Variants in SHLD2 observed in about 807,000 individuals in gnomAD.
SHLD2 encodes shieldin complex subunit 2.
Under a neutral mutation model 73.2 loss-of-function variants are expected in SHLD2, and 30 were observed. The ratio of observed to expected loss-of-function variants is 0.41; its 90% CI spans 0.31 to 0.56. The LOEUF is 0.56. Ranked by LOEUF, SHLD2 falls within the 20% of genes least tolerant of loss-of-function variation. The probability of loss-of-function intolerance (pLI) is 0.28; values close to 1 mark genes in which losing one functional copy is unlikely to be tolerated. For missense variants in SHLD2, 745 were observed against 1,055.9 expected (o/e 0.71, Z 4.08); for synonymous variants, 285 against 370.1 (o/e 0.77, Z 2.64).
intron 2 of SHLD2, among the ~76,000 whole-genome samples, chr10:87,136,293 G>T (rs1348452408): frequency 6.6e-6 from 1 of 151,700 alleles, no homozygotes; most frequent in African/African-American, 2.4e-5. Context: ...TCACTTTCTG[G>T]CACTACAAGA....
At chr10:87,162,989 G>A (rs1247680119) in intron 4 of SHLD2, among the ~76,000 whole-genome samples, 12 of 152,038 alleles carry the variant, frequency 7.9e-5, no homozygotes, top group Non-Finnish European at 1.6e-4. Context: ...CTACCCTGAA[G>A]CTACACCTCC....
intron 8 of SHLD2, among the ~76,000 whole-genome samples, chr10:87,184,303 C>G (rs1437071497): frequency 1.3e-5 from 2 of 151,938 alleles, no homozygotes; most frequent in Non-Finnish European, 1.5e-5. Context: ...CATCTTAGTC[C>G]AGTGTATCTC....
chr10:87,097,579 G>A (rs189789932), intron 2 of SHLD2, among the ~76,000 whole-genome samples: 38 of 152,186 alleles, frequency 2.5e-4, no homozygotes, highest in African/African-American at 9.2e-4. Flanking sequence ...GCAACAGAGC[G>A]AGTCTTCATC....
chr10:87,180,042 A>C lies in SHLD2; in HGVS notation c.2171-33A>C, dbSNP rs756499238. The C allele has an allele frequency of 1.1e-4, 171 of 1,576,286 alleles. No homozygotes were observed. The South Asian group carries it at 1.9e-3, about 17-fold the overall frequency. On this transcript the variant is annotated intron_variant, in intron 7 of 9. Transcript: ENST00000298786. Reference sequence around the variant, plus strand: ...AAATTAAAGTTATAATTTTGGCCCAATAATTTATAATATATCTGTTTGTTG... The same window carrying C: ...AAATTAAAGTTATAATTTTGGCCCACTAATTTATAATATATCTGTTTGTTG...
At chr10:87,129,635 T>C (rs1844284382) in intron 2 of SHLD2, among the ~76,000 whole-genome samples, 1 of 152,026 alleles carries the variant, frequency 6.6e-6, no homozygotes, top group South Asian at 2.1e-4. Flanking sequence ...AAAGTATCGA[T>C]TTTTTTTCAT....
intron 8 of SHLD2, among the ~76,000 whole-genome samples, chr10:87,186,830 A>G (rs1331604050): frequency 6.6e-6 from 1 of 151,756 alleles, no homozygotes. Context: ...AGTTTAATAT[A>G]TTTTTATATT....
intron 7 of SHLD2, among the ~76,000 whole-genome samples, chr10:87,178,235 CAAAAAAAAAAAA>C (rs71019476): frequency 1.6e-4 from 5 of 31,022 alleles, no homozygotes; most frequent in South Asian, 1.8e-3. Context: ...TACTCTGTCT[CAAAAAAAAAAAA>C]AAAAAAAAAA....
chr10:87,182,319 T>G (rs1201883256), intron 8 of SHLD2, among the ~76,000 whole-genome samples: 1 of 152,244 alleles, frequency 6.6e-6, no homozygotes, highest in African/African-American at 2.4e-5. Flanking sequence ...TTGACCTAAG[T>G]AGACTTATTG....
In SHLD2 at chr10:87,180,393, T is replaced by C. The variant is rs1848229817; in HGVS notation, c.2399+90T>C. 4 of 1,501,398 alleles carry C rather than the reference T, an allele frequency of 2.7e-6. No individual in the cohort carries two copies. In the South Asian group the frequency reaches 5.0e-5, roughly 19 times the overall value. 93.0% of individuals were successfully genotyped at this position (1,501,398 alleles called of 1,614,324 possible). A position where few individuals can be genotyped will look rare whatever the true frequency, so the allele number is the denominator to read the frequency against. On this transcript the variant is annotated intron_variant, in intron 8 of 9. Coordinates refer to ENST00000298786, the MANE Select transcript of SHLD2 (RefSeq NM_001330112.2). ...GTAAACCCTTACTTTCTAAAAATAA[T>C]TAACTAGAGCTAGTCGAAGAGAATA...
chr10:87,176,926 TC>T (rs1472603998), intron 7 of SHLD2, among the ~76,000 whole-genome samples: 12 of 152,282 alleles, frequency 7.9e-5, no homozygotes, highest in African/African-American at 2.9e-4. Context: ...TAATAATATT[TC>T]TGGAAGGTAA....
At chr10:87,188,290 G>A (rs1485741982) in intron 9 of SHLD2, among the ~76,000 whole-genome samples, 1 of 152,138 alleles carries the variant, frequency 6.6e-6, no homozygotes, top group Admixed American at 6.5e-5. Flanking sequence ...AGCAGTAGGG[G>A]ACCACTAATG....
intron 2 of SHLD2, among the ~76,000 whole-genome samples, chr10:87,103,240 A>C (rs1482813108): frequency 6.6e-6 from 1 of 152,102 alleles, no homozygotes; most frequent in African/African-American, 2.4e-5. Flanking sequence ...AAATAAATAA[A>C]TAAAAATCTT....
intron 8 of SHLD2, among the ~76,000 whole-genome samples, chr10:87,185,262 A>G (rs1423815688): frequency 6.6e-6 from 1 of 152,176 alleles, no homozygotes; most frequent in Non-Finnish European, 1.5e-5. Context: ...TTTTTATTGC[A>G]AAATAATATT....
rs1391599629 is a variant in SHLD2, at chr10:87,151,703, A to G, written c.349A>G (p.Ser117Gly). The G allele has an allele frequency of 6.2e-7, 1 of 1,611,998 alleles. No individual in the cohort carries two copies. Among genetic ancestry groups the G allele is most frequent in the Non-Finnish European group, 8.5e-7 (1 of 1,179,822 alleles). ...IHSSRLSDIT[S>G]SNMQICGFKS... is the part of the protein sequence containing the mutation. ...CTCCTCTAGACTGAGTGATATAACT[A>G]GCTCTAATATGCAAATATGTGGATT... Residue 117 changes from serine to glycine, a missense_variant, in exon 3 of 10, where the codon AGC becomes GGC. By Grantham distance (56) the Ser-to-Gly change is moderately conservative. Transcript: ENST00000298786.
upstream of SHLD2, chr10:87,094,523 C>T (rs368011745): frequency 3.1e-6 from 5 of 1,612,886 alleles, no homozygotes; most frequent in Non-Finnish European, 4.2e-6. This position sits in a 1 kb window ranked among gnomAD's most constrained non-coding sequence, Gnocchi z 6.6. Flanking sequence ...ACCAGCTTGT[C>T]CTCCACGATG....
chr10:87,111,019 T>C (rs1246213157), intron 2 of SHLD2, among the ~76,000 whole-genome samples: 1 of 151,862 alleles, frequency 6.6e-6, no homozygotes, highest in Non-Finnish European at 1.5e-5. Context: ...AATTTTTGTA[T>C]TATTAGAAGA....
chr10:87,148,802 C>G (rs754919059), intron 2 of SHLD2, among the ~76,000 whole-genome samples: 5 of 151,636 alleles, frequency 3.3e-5, no homozygotes, highest in Non-Finnish European at 5.9e-5. Flanking sequence ...GAGAAGAAAG[C>G]CAAAGATCTG....
chr10:87,136,629 G>A (rs1215143747), intron 2 of SHLD2, among the ~76,000 whole-genome samples: 1 of 151,664 alleles, frequency 6.6e-6, no homozygotes. Flanking sequence ...TGATGTATTC[G>A]GTTCCAGTTG....
chr10:87,100,385 A>G (rs1197123789), intron 2 of SHLD2, among the ~76,000 whole-genome samples: 2 of 152,202 alleles, frequency 1.3e-5, no homozygotes, highest in Non-Finnish European at 2.9e-5. Context: ...ATGAAAAATA[A>G]ATTGACCTAA....
Sources: allele counts gnomAD v4.1 joint callset (sites outside exome capture counted in the v4.1 genomes callset), GRCh38; gene constraint gnomAD v4.1.1; non-coding constraint Gnocchi (gnomAD v3.1); transcripts MANE v1.5; gene names NCBI Gene and HGNC (gene_info 2026-07-23, HGNC 2026-07-21).